Variants in EYA1 observed in about 807,000 individuals in gnomAD.
EYA1 encodes protein phosphatase EYA1.
A neutral mutation model predicts 82.0 loss-of-function variants in EYA1; 16 were observed. That is an observed-to-expected ratio of 0.20 (90% confidence interval 0.13 to 0.30). The LOEUF (loss-of-function observed/expected upper bound fraction) is 0.30. EYA1 is among the 10% of genes least tolerant of loss of function. EYA1 has a pLI of 1.00. For missense variants in EYA1, 633 were observed against 730.7 expected (o/e 0.87, Z 1.54); for synonymous variants, 261 against 264.4 (o/e 0.99, Z 0.12).
At chr8:71,271,271 C>T (rs1202304865) in intron 10 of EYA1, among the ~76,000 whole-genome samples, 1 of 152,154 alleles carries the variant, frequency 6.6e-6, no homozygotes, top group Non-Finnish European at 1.5e-5. Context: ...AAGCATTTGT[C>T]CTTTGTGTTA....
chr8:71,324,231 C>T (rs73292168), intron 4 of EYA1, among the ~76,000 whole-genome samples: 72 of 152,156 alleles, frequency 4.7e-4, no homozygotes, highest in African/African-American at 1.7e-3. Context: ...TTATGGGTTA[C>T]TACACAGAGT....
intron 2 of EYA1, among the ~76,000 whole-genome samples, chr8:71,399,713 C>A (rs746697750): frequency 6.6e-6 from 1 of 152,060 alleles, no homozygotes; most frequent in East Asian, 1.9e-4. Flanking sequence ...AATGGCCATA[C>A]CATACTGCTC....
chr8:71,208,386 C>T (rs749754203), intron 17 of EYA1, among the ~76,000 whole-genome samples: 26 of 152,082 alleles, frequency 1.7e-4, no homozygotes, highest in East Asian at 9.7e-4. Context: ...GAGCCGAGAT[C>T]GCGCTACTGC....
rs377734370 is a variant in EYA1 at position 71,398,722 on chromosome 8, C to T, written c.34-42211G>A. On this transcript the variant is annotated intron_variant, in intron 2 of 18. Coordinates refer to the EYA1 transcript ENST00000643681. Reference sequence around the variant, plus strand: ...TCAGTCCCTACTGGGAGGTGTCTCCCATTTAGGCTACTTGGGGGTCAGGGA... The same window carrying T: ...TCAGTCCCTACTGGGAGGTGTCTCCTATTTAGGCTACTTGGGGGTCAGGGA... Among the ~76,000 whole-genome samples, 5 of 152,310 alleles carry T rather than the reference C, an allele frequency of 3.3e-5. No homozygotes were observed. The South Asian group carries it at 6.2e-4, about 19-fold the overall frequency.
At chr8:71,389,505 T>C (rs1345656134) in intron 2 of EYA1, among the ~76,000 whole-genome samples, 1 of 152,122 alleles carries the variant, frequency 6.6e-6, no homozygotes, top group African/African-American at 2.4e-5. Context: ...AAAACGTGAG[T>C]TGGCAAAGCA....
At chr8:71,422,512 A>G (rs1831198166) in intron 2 of EYA1, among the ~76,000 whole-genome samples, 1 of 152,168 alleles carries the variant, frequency 6.6e-6, no homozygotes. Flanking sequence ...TGGTCTGTAT[A>G]TTCTTAGGGA....
intron 9 of EYA1, among the ~76,000 whole-genome samples, chr8:71,278,758 G>C (rs1013320025): frequency 1.2e-4 from 19 of 152,196 alleles, no homozygotes; most frequent in African/African-American, 4.6e-4. Context: ...GCTCCTTGAA[G>C]ATTTAGAGAT....
intron 2 of EYA1, among the ~76,000 whole-genome samples, chr8:71,474,856 G>T (rs1010296392): frequency 1.3e-5 from 2 of 152,194 alleles, no homozygotes; most frequent in African/African-American, 4.8e-5. Flanking sequence ...TAGAGGCCAG[G>T]AGCGGTGGCT....
rs1295493419 is a variant in EYA1 at position 71,347,864 on chromosome 8, T to C, written c.124+6918A>G. On this transcript the variant is annotated intron_variant, in intron 3 of 17. Transcript: ENST00000340726. ...AGAGTCTGTCTACCATTTTTTGGTG[T>C]AATGGGATACTGGAGGCATGCAAAA... 2.5e-5 allele frequency among the ~76,000 whole-genome samples: 3 copies of C among 121,698 alleles called. No individual in the cohort carries two copies. The East Asian group carries it at 7.0e-4, about 28-fold the overall frequency. The allele number at this position is 121,698 out of a possible 152,430, so 79.8% of individuals were successfully genotyped here.
chr8:71,300,417 T>C (rs1820076867), intron 7 of EYA1, among the ~76,000 whole-genome samples: 1 of 152,146 alleles, frequency 6.6e-6, no homozygotes, highest in Non-Finnish European at 1.5e-5. Context: ...TATTAAGCTA[T>C]GCAAAACAAT....
At chr8:71,518,479 T>A (rs1308150458) in intron 2 of EYA1, among the ~76,000 whole-genome samples, 1 of 152,166 alleles carries the variant, frequency 6.6e-6, no homozygotes, top group Non-Finnish European at 1.5e-5. Flanking sequence ...CTGTCTGTCA[T>A]GTCTAGGAAT....
chr8:71,494,624 C>G (rs553756141), intron 2 of EYA1, among the ~76,000 whole-genome samples: 3 of 151,972 alleles, frequency 2.0e-5, no homozygotes, highest in African/African-American at 7.3e-5. Flanking sequence ...ATAATTTGCT[C>G]GGTTTCAAAA....
chr8:71,298,620 G>C (rs1819845646), intron 9 of EYA1, among the ~76,000 whole-genome samples: 1 of 152,080 alleles, frequency 6.6e-6, no homozygotes, highest in Non-Finnish European at 1.5e-5. Flanking sequence ...GCTCACTTTT[G>C]ATTGTTTTTC....
chr8:71,481,527 C>T (rs1810160458), intron 2 of EYA1, among the ~76,000 whole-genome samples: 1 of 152,008 alleles, frequency 6.6e-6, no homozygotes, highest in Admixed American at 6.6e-5. Flanking sequence ...TTCTGAGTGC[C>T]TACTGCACGC....
chr8:71,412,804 T>C (rs1024820091), intron 2 of EYA1, among the ~76,000 whole-genome samples: 2 of 152,192 alleles, frequency 1.3e-5, no homozygotes, highest in African/African-American at 4.8e-5. Flanking sequence ...ATCATCATGA[T>C]CCCTGCCATA....
chr8:71,329,375 T>C (rs1266292466), intron 4 of EYA1, among the ~76,000 whole-genome samples: 2 of 152,216 alleles, frequency 1.3e-5, no homozygotes, highest in South Asian at 2.1e-4. Flanking sequence ...TGGCAAACCC[T>C]TGACCCTGGA....
At chr8:71,277,124 T>TGG (rs1563383231) in intron 9 of EYA1, among the ~76,000 whole-genome samples, 16 of 115,364 alleles carry the variant, frequency 1.4e-4, no homozygotes, top group Middle Eastern at 4.1e-3. Flanking sequence ...CATTTTTTTT[T>TGG]TTTTTTTTTT....
chr8:71,343,800 C>CATAT (rs1264128880), intron 3 of EYA1, among the ~76,000 whole-genome samples: 2 of 152,092 alleles, frequency 1.3e-5, no homozygotes, highest in Non-Finnish European at 2.9e-5. Flanking sequence ...AGGGCAGTAC[C>CATAT]ATATACCTCT....
intron 4 of EYA1, among the ~76,000 whole-genome samples, chr8:71,332,556 T>G (rs780775980): frequency 6.6e-6 from 1 of 152,182 alleles, no homozygotes; most frequent in Non-Finnish European, 1.5e-5. Flanking sequence ...TTTCAGGTCT[T>G]CAATATTTCT....
Sources: allele counts gnomAD v4.1 joint callset (sites outside exome capture counted in the v4.1 genomes callset), GRCh38; gene constraint gnomAD v4.1.1; transcripts MANE v1.5; gene names NCBI Gene and HGNC (gene_info 2026-07-23, HGNC 2026-07-21).